The following DLG2 variants were observed in gnomAD, a reference collection of about 807,000 sequenced individuals.
DLG2 encodes the protein discs large MAGUK scaffold protein 2.
In DLG2, 45 loss-of-function variants were observed where a neutral mutation model predicts 132.5. The observed-to-expected ratio is 0.34, with a 90% CI of 0.27 to 0.44. The LOEUF is 0.44. DLG2 is among the 20% of genes least tolerant of loss of function. DLG2 has a pLI of 1.00. For synonymous variants in DLG2, 424 were observed against 419.6 expected (o/e 1.01, Z -0.13); for missense variants, 1,045 against 1,196.9 (o/e 0.87, Z 1.87).
At chr11:84,763,218 T>C (rs1186704871) in intron 6 of DLG2, 1 of 152,188 alleles carries the variant, frequency 6.6e-6, no homozygotes. Context: ...ATATTCTAAT[T>C]ATTAATAGTT....
chr11:85,276,749 A>C (rs953131415), intron 4 of DLG2, among the ~76,000 whole-genome samples: 1 of 152,204 alleles, frequency 6.6e-6, no homozygotes, highest in African/African-American at 2.4e-5. Flanking sequence ...TCATTCTCTG[A>C]CATCAAGAAA....
intron 6 of DLG2, among the ~76,000 whole-genome samples, chr11:84,798,606 A>G (rs574906248): frequency 6.6e-6 from 1 of 152,278 alleles, no homozygotes; most frequent in East Asian, 1.9e-4. Flanking sequence ...ATGTCCAGAA[A>G]TGCTGTCCAA....
intron 7 of DLG2, among the ~76,000 whole-genome samples, chr11:84,482,236 C>T (rs938553192): frequency 6.6e-6 from 1 of 152,066 alleles, no homozygotes; most frequent in African/African-American, 2.4e-5. Flanking sequence ...GCATAGGTAA[C>T]CCAGATAAGA....
chr11:84,074,090 T>C (rs1000960823), intron 10 of DLG2, among the ~76,000 whole-genome samples: 1 of 152,208 alleles, frequency 6.6e-6, no homozygotes, highest in African/African-American at 2.4e-5. Context: ...TCAGCATTTG[T>C]ATAGTTCAAC....
At chr11:84,965,579 T>C (rs1566526810) in intron 6 of DLG2, among the ~76,000 whole-genome samples, 1 of 152,120 alleles carries the variant, frequency 6.6e-6, no homozygotes, top group Non-Finnish European at 1.5e-5. Context: ...CTCCATTTTG[T>C]TCATGTGTTA....
At chr11:85,210,759 A>C (rs907406598) in intron 4 of DLG2, among the ~76,000 whole-genome samples, 1 of 152,074 alleles carries the variant, frequency 6.6e-6, no homozygotes, top group African/African-American at 2.4e-5. Context: ...GACTCCTCTA[A>C]TAGGCAACTT....
chr11:84,483,444 A>AC (rs1176080627), intron 7 of DLG2, among the ~76,000 whole-genome samples: 1 of 37,078 alleles, frequency 2.7e-5, no homozygotes, highest in African/African-American at 1.3e-4. Flanking sequence ...AAAAAAAAAA[A>AC]AAAAAATTAA....
chr11:83,689,867 C>G (rs1038524363), intron 18 of DLG2, among the ~76,000 whole-genome samples: 12 of 146,946 alleles, frequency 8.2e-5, no homozygotes, highest in African/African-American at 3.0e-4. Context: ...CACCCATTAT[C>G]TTAATATTTA....
chr11:84,885,998 T>C lies in DLG2; in HGVS notation c.357+225663A>G, dbSNP rs2088225132. Among the ~76,000 whole-genome samples the C allele has an allele frequency of 1.3e-5, 2 of 152,056 alleles. 1 individual carries two copies. The highest frequency in any genetic ancestry group is 4.8e-5 in the African/African-American group (2 of 41,410). On this transcript the variant is annotated intron_variant, in intron 6 of 27. Coordinates refer to ENST00000376104, the MANE Select transcript of DLG2 (RefSeq NM_001142699.3). ...TAGGTATTGCATTGGGTTCAGGAGA[T>C]TTAAAGATTAGTTAAGACAGGGATC...
chr11:85,280,288 C>T (rs918047493), intron 4 of DLG2, among the ~76,000 whole-genome samples: 3 of 152,008 alleles, frequency 2.0e-5, no homozygotes, highest in African/African-American at 4.8e-5. Flanking sequence ...CAGCACTTTA[C>T]ATGCCTGATA....
chr11:85,272,627 C>A (rs752746621), intron 4 of DLG2, among the ~76,000 whole-genome samples: 22 of 152,136 alleles, frequency 1.4e-4, no homozygotes, highest in Non-Finnish European at 3.2e-4. Flanking sequence ...AATGGAAGAA[C>A]ATTCCATGCT....
intron 7 of DLG2, among the ~76,000 whole-genome samples, chr11:84,410,625 G>C (rs930686614): frequency 8.3e-5 from 11 of 131,748 alleles, no homozygotes; most frequent in Admixed American, 8.1e-4. Flanking sequence ...TTGTCGCCCA[G>C]CTGGAGTGCA....
chr11:84,102,772 G>A (rs750220018), intron 9 of DLG2, among the ~76,000 whole-genome samples: 4 of 152,104 alleles, frequency 2.6e-5, no homozygotes, highest in Non-Finnish European at 4.4e-5. Flanking sequence ...CATTTAGTGG[G>A]GGAAGTAGAT....
chr11:83,469,109 CAAGA>C, intron 25 of DLG2, 88 bp downstream of exon 25: 1 of 927,140 alleles, frequency 1.1e-6, no homozygotes. Context: ...CAATTGCAAT[CAAGA>C]AAGAGTAATG....
intron 19 of DLG2, among the ~76,000 whole-genome samples, chr11:83,596,436 T>G (rs1459996226): frequency 6.6e-6 from 1 of 152,182 alleles, no homozygotes; most frequent in Non-Finnish European, 1.5e-5. Context: ...CTTGCTCCTC[T>G]TCATTTATTC....
At chr11:83,608,923 A>T (rs548616396) in intron 19 of DLG2, among the ~76,000 whole-genome samples, 1 of 152,274 alleles carries the variant, frequency 6.6e-6, no homozygotes, top group East Asian at 1.9e-4. Context: ...TTTCTATTAC[A>T]CAGCCACCAT....
At chr11:84,651,969 A>G (rs1202577255) in intron 6 of DLG2, among the ~76,000 whole-genome samples, 1 of 152,206 alleles carries the variant, frequency 6.6e-6, no homozygotes, top group African/African-American at 2.4e-5. Context: ...TTGGGAGATG[A>G]AGAATATCAC....
chr11:84,118,356 T>C (rs1174037896), intron 9 of DLG2, among the ~76,000 whole-genome samples: 3 of 152,202 alleles, frequency 2.0e-5, no homozygotes, highest in South Asian at 2.1e-4. Context: ...TTTGCCTCCA[T>C]GGTTTCTCCT....
intron 6 of DLG2, among the ~76,000 whole-genome samples, chr11:85,067,323 GT>G (rs1317478789): frequency 1.3e-5 from 2 of 151,852 alleles, no homozygotes; most frequent in South Asian, 4.1e-4. Context: ...TTTTTGAAGG[GT>G]TTTTTGTGTC....
Sources: gnomAD v4.1 joint callset for allele counts (sites outside exome capture counted in the v4.1 genomes callset) on GRCh38, gnomAD v4.1.1 for gene constraint, MANE v1.5 for transcripts, NCBI Gene and HGNC (gene_info 2026-07-23, HGNC 2026-07-21) for gene names.